The following PTPRD variants were observed in gnomAD, a reference collection of about 807,000 sequenced individuals.
PTPRD encodes receptor-type tyrosine-protein phosphatase delta.
In PTPRD, 34 loss-of-function variants were observed where a neutral mutation model predicts 214.5. That is an observed-to-expected ratio of 0.16 (90% CI 0.12 to 0.21). The LOEUF (loss-of-function observed/expected upper bound fraction) is 0.21, where lower values mean the gene tolerates loss of function less well. Ranked by LOEUF, PTPRD falls within the 10% of genes least tolerant of loss-of-function variation. PTPRD has a pLI of 1.00. For missense variants in PTPRD, 2,545 were observed against 2,398.7 expected, an observed-to-expected ratio of 1.06 and a Z score of -1.27; for synonymous variants, 1,128 against 845.7, an observed-to-expected ratio of 1.33 and a Z score of -5.79.
chr9:8,477,761 T>C (rs1393947687), intron 30 of PTPRD, among the ~76,000 whole-genome samples: 1 of 152,206 alleles, frequency 6.6e-6, no homozygotes, highest in African/African-American at 2.4e-5. Flanking sequence ...GGCAGTCCTG[T>C]TTATGTCTAC....
intron 6 of PTPRD, among the ~76,000 whole-genome samples, chr9:9,765,014 G>A (rs1019251291): frequency 2.0e-5 from 3 of 152,166 alleles, no homozygotes; most frequent in Admixed American, 1.3e-4. Flanking sequence ...CAAATGTCAT[G>A]CCAAAGCCTT....
At chr9:10,327,826 G>T (rs1288592542) in intron 3 of PTPRD, among the ~76,000 whole-genome samples, 1 of 151,664 alleles carries the variant, frequency 6.6e-6, no homozygotes, top group African/African-American at 2.4e-5. Flanking sequence ...TTTTGAGAAG[G>T]TCTCCTGTCA....
intron 35 of PTPRD, among the ~76,000 whole-genome samples, chr9:8,420,825 A>AAG (rs2094309140): frequency 1.8e-5 from 2 of 113,210 alleles, no homozygotes; most frequent in Admixed American, 9.8e-5. Flanking sequence ...TTTTAAAAAA[A>AAG]GAAAATATAA....
At chr9:9,971,077 G>A (rs1050686662) in intron 4 of PTPRD, among the ~76,000 whole-genome samples, 2 of 151,922 alleles carry the variant, frequency 1.3e-5, no homozygotes, top group Non-Finnish European at 2.9e-5. Flanking sequence ...ATTTTTAATT[G>A]GTTCTATTTG....
intron 6 of PTPRD, among the ~76,000 whole-genome samples, chr9:9,750,766 G>A (rs777658779): frequency 6.6e-6 from 1 of 152,040 alleles, no homozygotes; most frequent in Non-Finnish European, 1.5e-5. Context: ...GGGACTCAGG[G>A]CTTAATGGGA....
At chr9:8,443,216 G>C (rs1406530760) in intron 34 of PTPRD, among the ~76,000 whole-genome samples, 1 of 152,138 alleles carries the variant, frequency 6.6e-6, no homozygotes. Context: ...ATTTGAACAA[G>C]CTGTTTCTTT....
intron 8 of PTPRD, among the ~76,000 whole-genome samples, chr9:9,573,859 T>A (rs141808943): frequency 6.6e-6 from 1 of 151,824 alleles, no homozygotes; most frequent in Non-Finnish European, 1.5e-5. Context: ...ATGGCTGTTA[T>A]CTACGATCAT....
chr9:8,331,452 C>G, intron 44 of PTPRD, 130 bp downstream of exon 44: 1 of 1,051,202 alleles, frequency 9.5e-7, no homozygotes, highest in Non-Finnish European at 1.3e-6. Flanking sequence ...AGAAATCAAT[C>G]CTGCTTTAAG....
intron 11 of PTPRD, among the ~76,000 whole-genome samples, chr9:8,957,572 T>C (rs747766155): frequency 1.4e-4 from 22 of 152,012 alleles, no homozygotes; most frequent in Admixed American, 3.9e-4. Context: ...TGCGGCACCA[T>C]ACAATTTGCA....
rs186876294 is a variant in PTPRD, at chr9:9,293,939, T to G, written c.-203+103510A>C. The stretch of plus-strand genomic sequence containing the variant: ...AACCTAAAGGAATCACTTAATAGTT[T>G]TCATTTGGCATATTCAAATGGCCAG... On this transcript the variant is annotated intron_variant, in intron 9 of 45. Transcript: ENST00000381196. Among the ~76,000 whole-genome samples, 417 of 151,770 alleles carry G rather than the reference T, an allele frequency of 2.7e-3. 1 individual carries two copies. Among genetic ancestry groups the G allele is most frequent in the Non-Finnish European group, 4.2e-3 (285 of 67,804 alleles).
chr9:10,410,253 G>A lies in PTPRD; in HGVS notation c.-599-69236C>T, dbSNP rs868471574. ...AGGTAATTAACTGGACATATTTTGT[G>A]TATATATATATATATATACACACAC... On this transcript the variant is annotated intron_variant, in intron 2 of 45. Coordinates refer to ENST00000381196, the MANE Select transcript of PTPRD (RefSeq NM_002839.4). 1.2e-4 allele frequency among the ~76,000 whole-genome samples: 15 copies of A among 127,126 alleles called. No homozygotes were observed. In the East Asian group the frequency reaches 2.6e-3, roughly 22 times the overall value. 83.4% of individuals were successfully genotyped at this position (127,126 alleles called of 152,430 possible).
At chr9:8,623,837 T>C (rs2095903901) in intron 14 of PTPRD, among the ~76,000 whole-genome samples, 1 of 151,794 alleles carries the variant, frequency 6.6e-6, no homozygotes, top group African/African-American at 2.4e-5. Context: ...CCTACACCCA[T>C]AACTACACCT....
intron 14 of PTPRD, among the ~76,000 whole-genome samples, chr9:8,576,379 A>C (rs375491446): frequency 2.6e-5 from 4 of 152,236 alleles, no homozygotes; most frequent in Admixed American, 6.5e-5. Flanking sequence ...ATTTGTGGGG[A>C]GAAATAATGG....
intron 8 of PTPRD, among the ~76,000 whole-genome samples, chr9:9,481,342 G>C (rs2095406685): frequency 6.6e-6 from 1 of 152,102 alleles, no homozygotes; most frequent in Non-Finnish European, 1.5e-5. Context: ...TAGCCTTGCT[G>C]ATCCTTAGTT....
intron 4 of PTPRD, among the ~76,000 whole-genome samples, chr9:9,976,849 A>C (rs1206763213): frequency 6.6e-6 from 1 of 151,974 alleles, no homozygotes; most frequent in Non-Finnish European, 1.5e-5. Flanking sequence ...GATAAATAAT[A>C]ACAAGTTAAA....
chr9:9,635,268 G>T (rs1345117132), intron 7 of PTPRD, among the ~76,000 whole-genome samples: 1 of 152,186 alleles, frequency 6.6e-6, no homozygotes, highest in African/African-American at 2.4e-5. Context: ...AGAGCATACT[G>T]TGTGTTACTT....
At chr9:8,475,188 C>T (rs1191289476) in intron 30 of PTPRD, among the ~76,000 whole-genome samples, 3 of 152,162 alleles carry the variant, frequency 2.0e-5, no homozygotes, top group Non-Finnish European at 4.4e-5. Context: ...CACCTCACTG[C>T]CATTGCCAGG....
At chr9:10,510,388 C>A (rs1234572783) in intron 2 of PTPRD, among the ~76,000 whole-genome samples, 2 of 152,082 alleles carry the variant, frequency 1.3e-5, no homozygotes, top group Non-Finnish European at 2.9e-5. Context: ...ACTACTGTCA[C>A]ATATAGAACA....
intron 2 of PTPRD, among the ~76,000 whole-genome samples, chr9:10,433,938 G>T (rs1189874203): frequency 6.6e-6 from 1 of 151,796 alleles, no homozygotes; most frequent in Non-Finnish European, 1.5e-5. Context: ...CATTGGTAAT[G>T]TAATAAATCA....
Sources: gnomAD v4.1 joint callset for allele counts (sites outside exome capture counted in the v4.1 genomes callset) on GRCh38, gnomAD v4.1.1 for gene constraint, MANE v1.5 for transcripts, NCBI Gene and HGNC (gene_info 2026-07-23, HGNC 2026-07-21) for gene names.